EFCAB8: variants seen among roughly 807,000 people sequenced by gnomAD.
EFCAB8 encodes the protein EF-hand calcium binding domain 8, also known as EF-hand calcium-binding domain-containing protein 8.
EFCAB8 carries 100 observed loss-of-function variants against 116.3 expected under a neutral mutation model. That is an observed-to-expected ratio of 0.86 (90% CI 0.73 to 1.02). The LOEUF (loss-of-function observed/expected upper bound fraction) is 1.02, where lower values mean the gene tolerates loss of function less well. Ranked by LOEUF, EFCAB8 falls within the 50% of genes least tolerant of loss-of-function variation. The pLI, the probability that EFCAB8 is intolerant of heterozygous loss-of-function variation, is 0.00. For synonymous variants in EFCAB8, 558 were observed against 567.9 expected, an observed-to-expected ratio of 0.98 and a Z score of 0.25; for missense variants, 1,320 against 1,416.9, an observed-to-expected ratio of 0.93 and a Z score of 1.10.
chr20:32,906,007 G>A (rs909137858), intron 11 of EFCAB8, among the ~76,000 whole-genome samples: 7 of 152,110 alleles, frequency 4.6e-5, no homozygotes, highest in Non-Finnish European at 7.3e-5. Context: ...TCCTTTTGGT[G>A]TCTCTATCCC....
chr20:32,898,255 C>A, intron 10 of EFCAB8: 1 of 448,398 alleles, frequency 2.2e-6, no homozygotes, highest in Non-Finnish European at 4.1e-6. Flanking sequence ...CACAAGATTT[C>A]AAATGAAAGT....
At chr20:32,865,727 A>G (rs1198558056) in intron 2 of EFCAB8, among the ~76,000 whole-genome samples, 4 of 151,366 alleles carry the variant, frequency 2.6e-5, no homozygotes, top group African/African-American at 9.7e-5. Context: ...TGAACCCAGG[A>G]GGCAGAGGTT....
At chr20:32,895,312 GA>G (rs1332679511) in intron 9 of EFCAB8, among the ~76,000 whole-genome samples, 2 of 114,288 alleles carry the variant, frequency 1.7e-5, no homozygotes, top group East Asian at 4.6e-4. Context: ...TTTTATTTAA[GA>G]TTTTTTTTTT....
intron 23 of EFCAB8, among the ~76,000 whole-genome samples, chr20:32,947,668 TA>T (rs200972138): frequency 0.014 from 2,089 of 152,202 alleles, 50 homozygotes; most frequent in African/African-American, 0.044. Flanking sequence ...AATGAAAATG[TA>T]ACATTTCAAA....
chr20:32,926,180 T>G (rs1987662956), intron 20 of EFCAB8, among the ~76,000 whole-genome samples: 1 of 152,212 alleles, frequency 6.6e-6, no homozygotes, highest in Non-Finnish European at 1.5e-5. Flanking sequence ...ATGCCTCAGC[T>G]TTTCCCCAGT....
rs897002852 is a variant in EFCAB8 at position 32,885,633 on chromosome 20, C to T, written c.560C>T (p.Ser187Phe). ...FWSESFSLMSSFRLNQTQQLY... is the reference protein window; with the variant it reads ...FWSESFSLMSFFRLNQTQQLY... ...TCTGAGTCCTTCTCGCTGATGAGCT[C>T]CTTTAGGGTGAGTGGGGCCCCTACA... Residue 187 changes from serine to phenylalanine, a missense_variant, in exon 6 of 27, where the codon TCC becomes TTC. Transcript: ENST00000400522. 2 of 1,551,746 alleles carry T rather than the reference C, an allele frequency of 1.3e-6. No homozygotes were observed. Among genetic ancestry groups the T allele is most frequent in the Admixed American group, 3.9e-5 (2 of 51,000 alleles).
chr20:32,886,900 C>T (rs6087428), intron 6 of EFCAB8, among the ~76,000 whole-genome samples: 1 of 152,146 alleles, frequency 6.6e-6, no homozygotes, highest in Non-Finnish European at 1.5e-5. Flanking sequence ...CACTCAAGAG[C>T]TATGTGATCT....
intron 3 of EFCAB8, among the ~76,000 whole-genome samples, chr20:32,869,878 C>T (rs1344055666): frequency 6.6e-6 from 1 of 152,192 alleles, no homozygotes; most frequent in Non-Finnish European, 1.5e-5. Flanking sequence ...GTTTCACTGG[C>T]TAAGCTATTC....
chr20:32,889,411 G>GTCCC lies in EFCAB8; in HGVS notation c.673+7_673+10dup. On this transcript the variant is annotated splice_donor_region_variant and intron_variant, in intron 7 of 26. Coordinates refer to ENST00000400522, the MANE Select transcript of EFCAB8 (RefSeq NM_001143967.2). ...CGTCTACCAGGCAAAAGATAGGTGA[G>GTCCC]TCCCTGGGGGCTTCCCAGCTCTGCT... 1 of 1,551,534 alleles carries GTCCC rather than the reference G, an allele frequency of 6.4e-7. No individual in the cohort carries two copies. The highest frequency in any genetic ancestry group is 8.7e-7 in the Non-Finnish European group (1 of 1,146,742).
At chr20:32,881,988 A>T (rs2146196963) in intron 5 of EFCAB8, among the ~76,000 whole-genome samples, 1 of 152,282 alleles carries the variant, frequency 6.6e-6, no homozygotes, top group East Asian at 1.9e-4. Context: ...TGGGTGGCTT[A>T]CCTGAGGTCA....
In EFCAB8 at chr20:32,906,880, C is replaced by T. The variant is rs759024537; in HGVS notation, c.1194C>T (p.Asn398=). ...ACGATGCCTTCATCCGCCTGTGGAACCCCTTTGTCTCAAAGAGGCCCGTGT... is the reference window on the plus strand; with the variant it reads ...ACGATGCCTTCATCCGCCTGTGGAATCCCTTTGTCTCAAAGAGGCCCGTGT... ...GGYDAFIRLW[N]PFVSKRPVWL... The change falls in exon 13 of 27, where the codon AAC becomes AAT. Residue 398 remains asparagine, a synonymous_variant. Coordinates refer to ENST00000400522, the MANE Select transcript of EFCAB8 (RefSeq NM_001143967.2). 1.3e-6 allele frequency: 2 copies of T among 1,546,464 alleles called. No homozygotes were observed. Among genetic ancestry groups the T allele is most frequent in the Admixed American group, 2.0e-5 (1 of 50,986 alleles).
At chr20:32,892,153 T>C (rs1985950192) in intron 7 of EFCAB8, 60 bp from the exon 8 acceptor site, 2 of 1,445,286 alleles carry the variant, frequency 1.4e-6, no homozygotes, top group Non-Finnish European at 1.9e-6. Flanking sequence ...CTGCTCACTG[T>C]GACTGAAGAC....
chr20:32,867,740 G>A lies in EFCAB8; in HGVS notation c.201G>A (p.Ser67=), dbSNP rs1276799075. The A allele has an allele frequency of 7.7e-6, 12 of 1,551,164 alleles. No homozygotes were observed. In the East Asian group the frequency reaches 2.0e-4, roughly 25 times the overall value. The change falls in exon 3 of 27, where the codon TCG becomes TCA. Residue 67 remains serine, a synonymous_variant. Coordinates refer to ENST00000400522, the MANE Select transcript of EFCAB8 (RefSeq NM_001143967.2). ...AAATGTTTGAGGAGGACATCAACTCGACTGGAGGTAAGGCCGCTCTGTAGG... is the reference window on the plus strand; with the variant it reads ...AAATGTTTGAGGAGGACATCAACTCAACTGGAGGTAAGGCCGCTCTGTAGG... The part of the protein sequence containing the change: ...IEKMFEEDIN[S]TGALGMDAFI...
chr20:32,862,240 C>G (rs192606075), intron 1 of EFCAB8, among the ~76,000 whole-genome samples: 263 of 151,840 alleles, frequency 1.7e-3, no homozygotes, highest in Non-Finnish European at 1.8e-3. Context: ...AAGTAATTCT[C>G]CCACCTCAGC....
At chr20:32,959,260 A>G (rs1469123533) in intron 24 of EFCAB8, among the ~76,000 whole-genome samples, 1 of 152,230 alleles carries the variant, frequency 6.6e-6, no homozygotes, top group African/African-American at 2.4e-5. Flanking sequence ...AGGAACAGGG[A>G]TGGCTCAGAG....
rs777375132 is a variant in EFCAB8, at chr20:32,911,625, G to A, written c.1703G>A (p.Gly568Asp). ...GAGTCAGAGCGGTGCCTGCTCACAG[G>A]TTTGCGGGATGGCACAATGAAGATG... Reference protein sequence around the residue: ...LDESERCLLTGLRDGTMKMWN... With the variant: ...LDESERCLLTDLRDGTMKMWN... Residue 568 changes from glycine (G) to aspartate (D), a missense_variant, in exon 16 of 27, where the codon GGT (glycine) becomes GAT (aspartate). By Grantham distance (94) the Gly-to-Asp change is moderately conservative. Transcript: ENST00000400522. 436 of 1,551,662 alleles carry A rather than the reference G, an allele frequency of 2.8e-4. No individual in the cohort carries two copies. Among genetic ancestry groups the A allele is most frequent in the Non-Finnish European group, 3.6e-4 (412 of 1,147,010 alleles).
chr20:32,877,207 C>CTTTTCT (rs1985020440), intron 4 of EFCAB8, among the ~76,000 whole-genome samples: 1 of 115,054 alleles, frequency 8.7e-6, no homozygotes, highest in Non-Finnish European at 1.8e-5. Flanking sequence ...TTATTTCTTT[C>CTTTTCT]TTTTTTTTTT....
intron 7 of EFCAB8, among the ~76,000 whole-genome samples, chr20:32,891,519 A>G (rs1314433668): frequency 1.3e-5 from 2 of 152,148 alleles, no homozygotes; most frequent in African/African-American, 4.8e-5. Flanking sequence ...CAGCCAGCCT[A>G]GAACCCCATT....
chr20:32,872,253 C>A lies in EFCAB8; in HGVS notation c.209-3673C>A, dbSNP rs147853349. Among the ~76,000 whole-genome samples, 284 of 152,296 alleles carry A rather than the reference C, an allele frequency of 1.9e-3. 5 individuals are homozygous for A. The highest frequency in any genetic ancestry group is 6.3e-3 in the African/African-American group (262 of 41,528). Reference sequence around the variant, plus strand: ...TGCTACCACTTACCAGCTGTGTGACCTTGGGCAAGCAACCACGCCTCTCTG... The same window carrying A: ...TGCTACCACTTACCAGCTGTGTGACATTGGGCAAGCAACCACGCCTCTCTG... On this transcript the variant is annotated intron_variant, in intron 3 of 26. Coordinates refer to ENST00000400522, the MANE Select transcript of EFCAB8 (RefSeq NM_001143967.2).
Sources: gnomAD v4.1 joint callset for allele counts (sites outside exome capture counted in the v4.1 genomes callset) on GRCh38, gnomAD v4.1.1 for gene constraint, MANE v1.5 for transcripts, NCBI Gene and HGNC (gene_info 2026-07-23, HGNC 2026-07-21) for gene names.